NEBL: variants seen among roughly 807,000 people sequenced by gnomAD.
The protein encoded by NEBL is nebulette.
A neutral mutation model predicts 140.2 loss-of-function variants in NEBL; 122 were observed. The ratio of observed to expected loss-of-function variants is 0.87; its 90% CI spans 0.75 to 1.01. NEBL has a LOEUF of 1.01. Among genes scored for constraint, NEBL ranks in the 50% least tolerant of loss-of-function variants. The pLI is 0.00. For synonymous variants in NEBL, 436 were observed against 398.9 expected, an observed-to-expected ratio of 1.09 and a Z score of -1.11; for missense variants, 1,365 against 1,231.3, an observed-to-expected ratio of 1.11 and a Z score of -1.62.
At chr10:20,912,211 G>A (rs77752304) in intron 4 of NEBL, among the ~76,000 whole-genome samples, 1,951 of 152,220 alleles carry the variant, frequency 0.013, 41 homozygotes, top group African/African-American at 0.045. Context: ...TATAGTTTCC[G>A]TTGTATTACC....
intron 3 of NEBL, among the ~76,000 whole-genome samples, chr10:20,974,327 C>A (rs530097387): frequency 6.6e-6 from 1 of 150,644 alleles, no homozygotes; most frequent in East Asian, 2.0e-4. Flanking sequence ...AGTCTTGGCT[C>A]ACTGCAGCCT....
At chr10:21,149,746 C>T (rs1028327190) in intron 2 of NEBL, among the ~76,000 whole-genome samples, 12 of 152,182 alleles carry the variant, frequency 7.9e-5, no homozygotes, top group Non-Finnish European at 1.6e-4. Context: ...CTGGAGCTTG[C>T]GATTGGCATT....
intron 4 of NEBL, among the ~76,000 whole-genome samples, chr10:20,942,163 G>A (rs1834905595): frequency 6.6e-6 from 1 of 152,130 alleles, no homozygotes; most frequent in South Asian, 2.1e-4. Context: ...AAAGCTGGAG[G>A]CATCACGCTA....
intron 3 of NEBL, among the ~76,000 whole-genome samples, chr10:21,002,510 A>G (rs955592181): frequency 3.9e-5 from 6 of 152,336 alleles, no homozygotes; most frequent in Middle Eastern, 3.4e-3. Context: ...AAATTGTATT[A>G]GTCCATTCTC....
At chr10:20,786,735 G>A (rs1835444055) in intron 27 of NEBL, among the ~76,000 whole-genome samples, 1 of 152,194 alleles carries the variant, frequency 6.6e-6, no homozygotes, top group South Asian at 2.1e-4. Context: ...ACTAGCAAAT[G>A]TTGAACACTT....
chr10:20,849,166 A>G (rs551377901), intron 11 of NEBL, among the ~76,000 whole-genome samples: 3 of 152,270 alleles, frequency 2.0e-5, no homozygotes, highest in Non-Finnish European at 2.9e-5. Flanking sequence ...TATAGGCTGC[A>G]GACAAAACCT....
chr10:20,976,337 TAA>T (rs34974239), intron 3 of NEBL, among the ~76,000 whole-genome samples: 1,713 of 131,380 alleles, frequency 0.013, 33 homozygotes, highest in African/African-American at 0.045. Context: ...GACTCTATAT[TAA>T]AAAAAAAAAA....
At chr10:20,994,473 T>C (rs1837586407) in intron 3 of NEBL, among the ~76,000 whole-genome samples, 1 of 152,214 alleles carries the variant, frequency 6.6e-6, no homozygotes, top group Non-Finnish European at 1.5e-5. Flanking sequence ...ATGTAACTAA[T>C]TCAACGTCTT....
chr10:20,805,419 T>C (rs1382192667), intron 26 of NEBL, among the ~76,000 whole-genome samples: 1 of 152,196 alleles, frequency 6.6e-6, no homozygotes, highest in Non-Finnish European at 1.5e-5. Context: ...GTTTATGTTA[T>C]ACAACTTATT....
At chr10:21,122,372 G>C (rs778348085) in intron 2 of NEBL, among the ~76,000 whole-genome samples, 2 of 151,910 alleles carry the variant, frequency 1.3e-5, no homozygotes, top group Non-Finnish European at 2.9e-5. Flanking sequence ...GATCTATCTC[G>C]GTGCCACTAA....
chr10:20,974,417 C>G (rs943086605), intron 3 of NEBL, among the ~76,000 whole-genome samples: 38 of 151,880 alleles, frequency 2.5e-4, no homozygotes, highest in Non-Finnish European at 4.6e-4. Context: ...CCACATCCAG[C>G]TAATTTTTGT....
At chr10:21,006,362 A>G (rs1589130197) in intron 3 of NEBL, among the ~76,000 whole-genome samples, 1 of 152,148 alleles carries the variant, frequency 6.6e-6, no homozygotes, top group Admixed American at 6.5e-5. Context: ...TTGTTGCTAG[A>G]TTGCTTTTTT....
chr10:20,835,109 T>G (rs868571146), intron 14 of NEBL, among the ~76,000 whole-genome samples: 1 of 152,196 alleles, frequency 6.6e-6, no homozygotes, highest in Non-Finnish European at 1.5e-5. Context: ...ATTGTTCTCA[T>G]GTAAAGTGTC....
intron 2 of NEBL, among the ~76,000 whole-genome samples, chr10:21,052,007 A>G (rs1474179800): frequency 6.6e-6 from 1 of 152,178 alleles, no homozygotes; most frequent in African/African-American, 2.4e-5. Context: ...CCAAAAGGAG[A>G]GCAGAGAAGG....
chr10:21,266,961 T>C (rs1040785108), intron 1 of NEBL, among the ~76,000 whole-genome samples: 1 of 151,860 alleles, frequency 6.6e-6, no homozygotes, highest in African/African-American at 2.4e-5. Flanking sequence ...TTTTTTTGTT[T>C]ATTTGGGGTT....
chr10:20,959,900 T>C (rs1179385462), intron 4 of NEBL, among the ~76,000 whole-genome samples: 1 of 152,050 alleles, frequency 6.6e-6, no homozygotes, highest in Non-Finnish European at 1.5e-5. Flanking sequence ...ATATTATATA[T>C]GATAAATATA....
chr10:20,930,127 C>A (rs1235138925), intron 4 of NEBL, among the ~76,000 whole-genome samples: 1 of 152,128 alleles, frequency 6.6e-6, no homozygotes, highest in Non-Finnish European at 1.5e-5. Context: ...TAACGGCCAC[C>A]TCCATTTAGA....
At chr10:20,957,758 A>G (rs1416721018) in intron 4 of NEBL, among the ~76,000 whole-genome samples, 1 of 152,108 alleles carries the variant, frequency 6.6e-6, no homozygotes, top group Non-Finnish European at 1.5e-5. Context: ...AAAACACACA[A>G]TTTTGTCATC....
rs537539356 is a variant in NEBL, at chr10:21,132,381, C to T, written c.164+40002G>A. Among the ~76,000 whole-genome samples, 7 of 152,218 alleles carry T rather than the reference C, an allele frequency of 4.6e-5. No individual in the cohort carries two copies. In the East Asian group the frequency reaches 1.4e-3, roughly 29 times the overall value. On this transcript the variant is annotated intron_variant, in intron 2 of 6. Transcript: ENST00000417816. The stretch of plus-strand genomic sequence containing the variant: ...ATGTGCCATACTTTGTTTATCTACT[C>T]GTCAATTAGTGGACATTTGGGTTGT...
Sources: gnomAD v4.1 joint callset for allele counts (sites outside exome capture counted in the v4.1 genomes callset) on GRCh38, gnomAD v4.1.1 for gene constraint, MANE v1.5 for transcripts, NCBI Gene and HGNC (gene_info 2026-07-23, HGNC 2026-07-21) for gene names.